ERC1: variants seen among roughly 807,000 people sequenced by gnomAD.
ERC1 encodes RAB6 interacting protein 2.
A neutral mutation model predicts 132.0 loss-of-function variants in ERC1; 56 were observed. The ratio of observed to expected loss-of-function variants is 0.42; its 90% CI spans 0.34 to 0.53. The LOEUF (loss-of-function observed/expected upper bound fraction) is 0.53. Among genes scored for constraint, ERC1 ranks in the 20% least tolerant of loss-of-function variants. ERC1 has a pLI of 0.03. For synonymous variants in ERC1, 478 were observed against 476.1 expected, an observed-to-expected ratio of 1.00 and a Z score of -0.05; for missense variants, 1,202 against 1,349.9, an observed-to-expected ratio of 0.89 and a Z score of 1.72.
chr12:1,229,582 T>C (rs1374715698), intron 12 of ERC1, among the ~76,000 whole-genome samples: 1 of 152,224 alleles, frequency 6.6e-6, no homozygotes, highest in Non-Finnish European at 1.5e-5. Context: ...TATTCATTTC[T>C]TCTAGGTTAT....
At chr12:1,392,955 A>G (rs1388931857) in intron 16 of ERC1, among the ~76,000 whole-genome samples, 1 of 152,258 alleles carries the variant, frequency 6.6e-6, no homozygotes, top group Non-Finnish European at 1.5e-5. Flanking sequence ...GTACAGATAC[A>G]TATATACAGA....
intron 2 of ERC1, among the ~76,000 whole-genome samples, chr12:1,078,853 T>C (rs972192802): frequency 6.6e-5 from 10 of 151,798 alleles, no homozygotes; most frequent in African/African-American, 2.4e-4. Flanking sequence ...ATAGAAATGA[T>C]TTGTAATATG....
chr12:1,350,310 A>G (rs2084888123), intron 15 of ERC1, among the ~76,000 whole-genome samples: 1 of 152,136 alleles, frequency 6.6e-6, no homozygotes, highest in African/African-American at 2.4e-5. Context: ...GACCTATTGT[A>G]TTTTTTAAGT....
chr12:1,401,917 T>G (rs1277317966), intron 16 of ERC1, among the ~76,000 whole-genome samples: 1 of 152,050 alleles, frequency 6.6e-6, no homozygotes, highest in Non-Finnish European at 1.5e-5. Flanking sequence ...TGCAGAAGGA[T>G]AAAACAAAAT....
At chr12:1,424,854 A>AGCTAGC (rs2092573196) in intron 17 of ERC1, among the ~76,000 whole-genome samples, 9 of 125,150 alleles carry the variant, frequency 7.2e-5, no homozygotes, top group African/African-American at 3.3e-4. Context: ...TGATAGATAG[A>AGCTAGC]TAGATAGATC....
intron 17 of ERC1, among the ~76,000 whole-genome samples, chr12:1,429,561 C>T (rs1426286431): frequency 4.6e-5 from 7 of 152,112 alleles, no homozygotes; most frequent in African/African-American, 1.2e-4. Flanking sequence ...ATTTTTGGGA[C>T]GTCTGCCATG....
intron 6 of ERC1, 49 bp downstream of exon 6, chr12:1,112,347 G>A (rs1230296548): frequency 7.4e-7 from 1 of 1,348,792 alleles, no homozygotes; most frequent in Admixed American, 1.7e-5. Context: ...CCCACAGTGG[G>A]ACCCTGCTAG....
At chr12:1,326,609 A>G (rs567814242) in intron 15 of ERC1, among the ~76,000 whole-genome samples, 4 of 152,330 alleles carry the variant, frequency 2.6e-5, no homozygotes, top group African/African-American at 7.2e-5. Context: ...TTGAAAGGTG[A>G]TATTTTAGAC....
At chr12:1,457,880 G>A (rs560607048) in intron 18 of ERC1, among the ~76,000 whole-genome samples, 2 of 152,186 alleles carry the variant, frequency 1.3e-5, no homozygotes, top group South Asian at 2.1e-4. Flanking sequence ...GCCACAGAGC[G>A]AGACCCTGTC....
chr12:1,166,155 A>G (rs932982035), intron 8 of ERC1, among the ~76,000 whole-genome samples: 4 of 152,206 alleles, frequency 2.6e-5, no homozygotes, highest in Admixed American at 6.5e-5. Flanking sequence ...CCCATATCTC[A>G]TCTTGAATTG....
intron 16 of ERC1, among the ~76,000 whole-genome samples, chr12:1,402,258 C>T (rs1472527025): frequency 7.2e-5 from 11 of 152,264 alleles, no homozygotes; most frequent in South Asian, 4.1e-4. Context: ...AGGCTGGGCA[C>T]GGTGGCTCAC....
At chr12:1,478,350 T>C (rs2094014795) in intron 18 of ERC1, among the ~76,000 whole-genome samples, 1 of 152,238 alleles carries the variant, frequency 6.6e-6, no homozygotes, top group African/African-American at 2.4e-5. Flanking sequence ...CAGTATACTC[T>C]TGTGGTCATT....
At chr12:1,178,056 G>A (rs895438875) in intron 8 of ERC1, among the ~76,000 whole-genome samples, 2 of 152,100 alleles carry the variant, frequency 1.3e-5, no homozygotes, top group African/African-American at 4.8e-5. Context: ...GCAATTCAGT[G>A]GTTCACCCAT....
At chr12:1,298,450 G>A (rs901228118) in intron 15 of ERC1, among the ~76,000 whole-genome samples, 6 of 151,592 alleles carry the variant, frequency 4.0e-5, no homozygotes, top group African/African-American at 1.5e-4. Flanking sequence ...TTCTGAGGCA[G>A]GAGAATTGCT....
chr12:1,424,869 G>GATAA (rs1194699510), intron 17 of ERC1, among the ~76,000 whole-genome samples: 1 of 108,242 alleles, frequency 9.2e-6, no homozygotes, highest in Non-Finnish European at 2.0e-5. Flanking sequence ...TAGATCGATA[G>GATAA]ATAGATAGAT....
intron 1 of ERC1, among the ~76,000 whole-genome samples, chr12:993,052 T>C (rs796769882): frequency 9.8e-5 from 15 of 152,332 alleles, no homozygotes; most frequent in African/African-American, 3.4e-4. Context: ...GATTATTGTC[T>C]TCCAGCAAAT....
chr12:1,196,976 ATTTTTTTTT>A lies in ERC1; in HGVS notation c.2351+6938_2351+6946del, dbSNP rs1172269593. 8.8e-3 allele frequency among the ~76,000 whole-genome samples: 648 copies of A among 73,318 alleles called. 62 individuals carry two copies. The highest frequency in any genetic ancestry group is 0.03 in the African/African-American group (561 of 18,944). 48.1% of individuals were successfully genotyped at this position (73,318 alleles called of 152,430 possible). A position where few individuals can be genotyped will look rare whatever the true frequency, so the allele number is the denominator to read the frequency against. ...CACACACACACATATATATATATAT[ATTTTTTTTT>A]TTTTTTTTTTTTTAAGACAGATTTT... On this transcript the variant is annotated intron_variant, in intron 12 of 18. Coordinates refer to ENST00000360905, the MANE Select transcript of ERC1 (RefSeq NM_178040.4).
intron 1 of ERC1, among the ~76,000 whole-genome samples, chr12:1,001,527 T>C (rs575134759): frequency 1.2e-4 from 18 of 152,352 alleles, no homozygotes; most frequent in Non-Finnish European, 2.4e-4. Flanking sequence ...AACCCAGTCC[T>C]TCTCTCATAA....
At position 1,494,357 on chromosome 12, in the gene ERC1, T is replaced by G. The variant is rs1024813890; in HGVS notation, c.*4127T>G. The stretch of plus-strand genomic sequence containing the variant: ...GGAATGTCTTAAAGAGGATCTGGAG[T>G]TTCCCCCATGCAAATTAGGGAAGAA... On this transcript the variant is annotated 3_prime_UTR_variant, in exon 19 of 19. Transcript: ENST00000360905. 4.3e-6 allele frequency: 1 copy of G among 231,380 alleles called. No individual in the cohort carries two copies. The highest frequency in any genetic ancestry group is 8.5e-6 in the Non-Finnish European group (1 of 117,082). 14.3% of individuals were successfully genotyped at this position (231,380 alleles called of 1,614,324 possible).
Sources: allele counts gnomAD v4.1 joint callset (sites outside exome capture counted in the v4.1 genomes callset), GRCh38; gene constraint gnomAD v4.1.1; transcripts MANE v1.5; gene names NCBI Gene and HGNC (gene_info 2026-07-23, HGNC 2026-07-21).